The following ALDH1A2 variants were observed in gnomAD, a reference collection of about 807,000 sequenced individuals.
ALDH1A2 encodes aldehyde dehydrogenase 1 family member A2.
In ALDH1A2, 27 loss-of-function variants were observed where a neutral mutation model predicts 60.3. The observed-to-expected ratio is 0.45, with a 90% confidence interval of 0.33 to 0.62. The LOEUF is 0.62. Ranked by LOEUF, ALDH1A2 falls within the 20% of genes least tolerant of loss-of-function variation. ALDH1A2 has a pLI of 0.02. For missense variants in ALDH1A2, 581 were observed against 643.8 expected (o/e 0.90, Z 1.06); for synonymous variants, 289 against 232.4 (o/e 1.24, Z -2.21).
intron 7 of ALDH1A2, among the ~76,000 whole-genome samples, chr15:57,974,584 C>T (rs982509972): frequency 6.6e-6 from 1 of 151,524 alleles, no homozygotes; most frequent in African/African-American, 2.4e-5. Flanking sequence ...ATCCATCTAT[C>T]TAGCACTTGG....
intron 1 of ALDH1A2, among the ~76,000 whole-genome samples, chr15:58,016,315 T>C (rs1400455500): frequency 3.3e-5 from 5 of 152,014 alleles, no homozygotes; most frequent in African/African-American, 4.8e-5. Context: ...AGCTAATTTT[T>C]GTATTTTTAG....
chr15:58,046,428 A>G (rs1896642058), intron 1 of ALDH1A2, among the ~76,000 whole-genome samples: 1 of 152,080 alleles, frequency 6.6e-6, no homozygotes, highest in Non-Finnish European at 1.5e-5. Flanking sequence ...TATGTAAAAC[A>G]AAGTAAAGAA....
intron 4 of ALDH1A2, among the ~76,000 whole-genome samples, chr15:57,999,965 G>C (rs1242353818): frequency 6.6e-6 from 1 of 151,914 alleles, no homozygotes; most frequent in Non-Finnish European, 1.5e-5. Context: ...CACAGGAACA[G>C]AAAACCGAAC....
chr15:57,974,566 T>G (rs1226490627), intron 7 of ALDH1A2, among the ~76,000 whole-genome samples: 1 of 151,650 alleles, frequency 6.6e-6, no homozygotes, highest in Non-Finnish European at 1.5e-5. Context: ...GCAGGAACTA[T>G]TGTCATTATC....
intron 1 of ALDH1A2, chr15:58,014,533 A>AAT: frequency 1.9e-6 from 1 of 536,092 alleles, no homozygotes; most frequent in East Asian, 4.6e-5. Flanking sequence ...TAAAGATACA[A>AAT]ATAAGGATAG....
At chr15:58,051,207 A>G (rs992606609) in intron 1 of ALDH1A2, among the ~76,000 whole-genome samples, 3 of 152,098 alleles carry the variant, frequency 2.0e-5, no homozygotes, top group African/African-American at 7.2e-5. Flanking sequence ...CTGGATTATA[A>G]TATTATTTGC....
chr15:58,001,024 T>G, intron 4 of ALDH1A2, among the ~76,000 whole-genome samples: 1 of 94,748 alleles, frequency 1.1e-5, no homozygotes, highest in Non-Finnish European at 2.1e-5. Flanking sequence ...TTTTAATACT[T>G]CAAAATTGTT....
At chr15:58,010,457 T>C (rs780051984) in intron 4 of ALDH1A2, among the ~76,000 whole-genome samples, 192 bp downstream of exon 4, 1 of 152,182 alleles carries the variant, frequency 6.6e-6, no homozygotes, top group East Asian at 1.9e-4. Context: ...CCTGTACTTA[T>C]ATATTTCTAT....
intron 12 of ALDH1A2, among the ~76,000 whole-genome samples, chr15:57,959,061 G>T (rs1272297787): frequency 6.6e-6 from 1 of 152,178 alleles, no homozygotes; most frequent in African/African-American, 2.4e-5. Flanking sequence ...GAATAGACTA[G>T]ACTCAGCTAA....
chr15:57,990,107 TTTAAAAAAA>T (rs1199983491), intron 7 of ALDH1A2: 1 of 152,152 alleles, frequency 6.6e-6, no homozygotes, highest in African/African-American at 2.4e-5. Context: ...AAACAACTGT[TTTAAAAAAA>T]TTAAAAAGCA....
intron 1 of ALDH1A2, among the ~76,000 whole-genome samples, chr15:58,062,213 A>AG (rs568064564): frequency 8.0e-4 from 121 of 152,158 alleles, no homozygotes; most frequent in Middle Eastern, 3.4e-3. Flanking sequence ...TATCAGATGC[A>AG]GAAAAAAAAA....
intron 1 of ALDH1A2, among the ~76,000 whole-genome samples, chr15:58,020,627 G>A (rs190728103): frequency 1.1e-3 from 172 of 151,980 alleles, no homozygotes; most frequent in Admixed American, 1.8e-3. Flanking sequence ...TCCTAATCCC[G>A]TCCTCCAGCT....
At chr15:57,958,288 C>T (rs1188522578) in intron 12 of ALDH1A2, among the ~76,000 whole-genome samples, 1 of 152,162 alleles carries the variant, frequency 6.6e-6, no homozygotes, top group African/African-American at 2.4e-5. Context: ...AAGCCAGTGT[C>T]CTGAGTTTTT....
chr15:57,956,672 G>C (rs913838653), intron 12 of ALDH1A2, among the ~76,000 whole-genome samples: 2 of 152,174 alleles, frequency 1.3e-5, no homozygotes, highest in African/African-American at 4.8e-5. Flanking sequence ...CTCAGTCTCG[G>C]AGTCTCTTTA....
At chr15:57,981,571 T>C (rs1161602063) in intron 7 of ALDH1A2, among the ~76,000 whole-genome samples, 1 of 151,994 alleles carries the variant, frequency 6.6e-6, no homozygotes, top group Non-Finnish European at 1.5e-5. Context: ...CTGTAAGGAG[T>C]GATTCATAGG....
At chr15:58,046,131 C>T (rs529284308) in intron 1 of ALDH1A2, among the ~76,000 whole-genome samples, 1 of 152,098 alleles carries the variant, frequency 6.6e-6, no homozygotes, top group Admixed American at 6.6e-5. Flanking sequence ...TAAGAAATGT[C>T]CCTTCCCAAA....
At chr15:58,000,703 A>G (rs556930203) in intron 4 of ALDH1A2, among the ~76,000 whole-genome samples, 1 of 152,042 alleles carries the variant, frequency 6.6e-6, no homozygotes, top group African/African-American at 2.4e-5. Context: ...CTATATGGTG[A>G]TTCTCAAACT....
intron 11 of ALDH1A2, 87 bp from the exon 12 acceptor site, chr15:57,960,931 T>C: frequency 7.0e-7 from 1 of 1,424,648 alleles, no homozygotes; most frequent in South Asian, 1.2e-5. Flanking sequence ...AGAAGTTTTA[T>C]TTTTAAATTC....
At position 58,065,703 on chromosome 15, in the gene ALDH1A2, G is replaced by GCGCGGTC. The variant is rs1897163104; in HGVS notation, c.-60_-54dup. 4 of 1,284,154 alleles carry GCGCGGTC rather than the reference G, an allele frequency of 3.1e-6. No individual in the cohort carries two copies. In the South Asian group the frequency reaches 6.0e-5, roughly 19 times the overall value. The allele number at this position is 1,284,154 out of a possible 1,614,324, so 79.5% of individuals were successfully genotyped here. ...CGGCGTGGGGCAGTGCGGGCTGTGC[G>GCGCGGTC]CGCGGTCCGCGGCCCGGGGGCGCGC... On this transcript the variant is annotated 5_prime_UTR_variant, in exon 1 of 13. Transcript: ENST00000249750.
Sources: gnomAD v4.1 joint callset for allele counts (sites outside exome capture counted in the v4.1 genomes callset) on GRCh38, gnomAD v4.1.1 for gene constraint, MANE v1.5 for transcripts, NCBI Gene and HGNC (gene_info 2026-07-23, HGNC 2026-07-21) for gene names.